The following ADGRE3 variants were observed in gnomAD, a reference collection of about 807,000 sequenced individuals.
ADGRE3 encodes the protein adhesion G protein-coupled receptor E3.
A neutral mutation model predicts 80.1 loss-of-function variants in ADGRE3; 88 were observed. The ratio of observed to expected loss-of-function variants is 1.10; its 90% confidence interval spans 0.93 to 1.31. ADGRE3 has a LOEUF of 1.31. Among genes scored for constraint, ADGRE3 ranks in the 40% most tolerant of loss-of-function variants. ADGRE3 has a pLI of 0.00. For missense variants in ADGRE3, 715 were observed against 776.5 expected (o/e 0.92, Z 0.94); for synonymous variants, 281 against 294.8 (o/e 0.95, Z 0.48).
chr19:14,625,669 C>A, intron 14 of ADGRE3, 70 bp from the exon 15 acceptor site: 1 of 884,772 alleles, frequency 1.1e-6, no homozygotes, highest in Admixed American at 1.8e-5. Context: ...GTCGGTGAGT[C>A]AGGAAGAGGA....
At chr19:14,630,804 A>G (rs1490164868) in intron 13 of ADGRE3, among the ~76,000 whole-genome samples, 4 of 152,224 alleles carry the variant, frequency 2.6e-5, no homozygotes, top group Non-Finnish European at 5.9e-5. Context: ...AGGACAATGT[A>G]TGGGACAAAG....
Position 14,651,100 on chromosome 19 carries a change from G to A in ADGRE3, c.682C>T (p.Gln228Ter). 2.5e-6 allele frequency: 4 copies of A among 1,614,038 alleles called. No individual in the cohort carries two copies. The highest frequency in any genetic ancestry group is 3.4e-6 in the Non-Finnish European group (4 of 1,179,970). The change falls in exon 7 of 16, where the codon CAG becomes TAG. Residue 228 changes from glutamine to a stop codon, truncating the protein, a stop_gained. Transcript: ENST00000253673. LOFTEE classifies it high-confidence loss of function. ...TCAGGCATACCTTGTGTGTCTCCCTGGATGATGTCACTGCAACGGATGTCC... is the reference window on the plus strand; with the variant it reads ...TCAGGCATACCTTGTGTGTCTCCCTAGATGATGTCACTGCAACGGATGTCC... ...SMDIRCSDII[Q>*]GDTQGPSAIA...
At chr19:14,607,086 T>C in the ADGRE3 span, 1 of 1,312,206 alleles carries the variant, frequency 7.6e-7, no homozygotes, top group Non-Finnish European at 9.8e-7. Context: ...GCTGGATGGG[T>C]CTCCTGTGAC....
chr19:14,603,912 G>C, the ADGRE3 span, among the ~76,000 whole-genome samples: 1 of 152,140 alleles, frequency 6.6e-6, no homozygotes, highest in Non-Finnish European at 1.5e-5. Context: ...TTGGTGCCTA[G>C]AAATAGCAAG....
chr19:14,616,081 G>A (rs949881896), downstream of ADGRE3, among the ~76,000 whole-genome samples: 2 of 151,300 alleles, frequency 1.3e-5, no homozygotes, highest in African/African-American at 4.9e-5. Flanking sequence ...ACAGGCCTAT[G>A]CCACCACACC....
At chr19:14,629,286 G>C (rs927077397) in intron 14 of ADGRE3, among the ~76,000 whole-genome samples, 3 of 152,118 alleles carry the variant, frequency 2.0e-5, no homozygotes, top group Non-Finnish European at 2.9e-5. Flanking sequence ...TGTAACTTAA[G>C]GTAGTAATGT....
At position 14,630,245 on chromosome 19, in the gene ADGRE3, C is replaced by G. The variant is rs781418299; in HGVS notation, c.1644-38G>C. 2.6e-6 allele frequency: 4 copies of G among 1,561,988 alleles called. No homozygotes were observed. In the South Asian group the frequency reaches 4.7e-5, roughly 18 times the overall value. The stretch of plus-strand genomic sequence containing the variant: ...AGTCAGAGATTAGGATGTCAAAAAA[C>G]TAATAATGAGCATGAACACCCCTCT... On this transcript the variant is annotated intron_variant, in intron 13 of 15. Transcript: ENST00000253673.
chr19:14,616,434 T>C (rs1410335018), downstream of ADGRE3, among the ~76,000 whole-genome samples: 1 of 152,112 alleles, frequency 6.6e-6, no homozygotes, highest in Non-Finnish European at 1.5e-5. Context: ...GAAATGGTTC[T>C]GGTTTGCCTG....
intron 10 of ADGRE3, 142 bp downstream of exon 10, chr19:14,641,277 A>C: frequency 1.0e-6 from 1 of 993,814 alleles, no homozygotes; most frequent in South Asian, 1.6e-5. Flanking sequence ...CCCAGCTACG[A>C]TCTCAGAAGG....
intron 4 of ADGRE3, among the ~76,000 whole-genome samples, chr19:14,661,513 A>G (rs1431553265): frequency 1.3e-5 from 2 of 152,164 alleles, no homozygotes; most frequent in East Asian, 1.9e-4. Flanking sequence ...TGTGGTCTCA[A>G]TCACCACCTT....
At chr19:14,600,930 T>G in the ADGRE3 span, among the ~76,000 whole-genome samples, 2 of 104,258 alleles carry the variant, frequency 1.9e-5, no homozygotes, top group Admixed American at 1.4e-4. Flanking sequence ...TGAGATGGAG[T>G]CTCACTCTGT....
intron 2 of ADGRE3, 107 bp from the exon 3 acceptor site, chr19:14,663,647 T>C: frequency 3.0e-6 from 4 of 1,348,216 alleles, no homozygotes; most frequent in South Asian, 1.5e-5. Context: ...AAGAGCAGCC[T>C]GGCCAACATA....
chr19:14,619,317 T>A lies in ADGRE3; in HGVS notation c.*116A>T. The A allele has an allele frequency of 1.2e-6, 1 of 808,394 alleles. No homozygotes were observed. The highest frequency in any genetic ancestry group is 1.5e-5 in the South Asian group (1 of 68,830). The allele number at this position is 808,394 out of a possible 1,614,324, so 50.1% of individuals were successfully genotyped here. The stretch of plus-strand genomic sequence containing the variant: ...AACAGCTTGGGAAGTAAAGGTTGAT[T>A]ACTTCCTCTCCAAGGATGATATGTT... On this transcript the variant is annotated 3_prime_UTR_variant, in exon 16 of 16. Transcript: ENST00000253673.
chr19:14,615,468 A>G (rs2075070082), downstream of ADGRE3, among the ~76,000 whole-genome samples: 1 of 151,852 alleles, frequency 6.6e-6, no homozygotes, highest in Non-Finnish European at 1.5e-5. Flanking sequence ...TTTTAGAGAG[A>G]CAGCATCTCT....
chr19:14,649,361 C>G (rs1344207668), intron 7 of ADGRE3, among the ~76,000 whole-genome samples: 2 of 146,656 alleles, frequency 1.4e-5, no homozygotes, highest in Non-Finnish European at 3.0e-5. Context: ...CATCTCTCTC[C>G]CCATCTCTCT....
At chr19:14,658,676 T>C in intron 4 of ADGRE3, 126 bp from the exon 5 acceptor site, 1 of 441,530 alleles carries the variant, frequency 2.3e-6, no homozygotes. Flanking sequence ...GAATTCATAG[T>C]CTTTATCTGC....
chr19:14,638,132 C>A lies in ADGRE3; in HGVS notation c.1457G>T (p.Trp486Leu), dbSNP rs760891833. 6.2e-7 allele frequency: 1 copy of A among 1,614,012 alleles called. No individual in the cohort carries two copies. The highest frequency in any genetic ancestry group is 8.5e-7 in the Non-Finnish European group (1 of 1,179,938). The change falls in exon 11 of 16, where the codon TGG (tryptophan) becomes TTG (leucine). Residue 486 changes from tryptophan to leucine, a missense_variant. By Grantham distance (61) the Trp-to-Leu change is moderately conservative (BLOSUM62 -2). Transcript: ENST00000253673. ...ATCAGCAGTTCCATAAAGGTGAGGC[C>A]AGGAGGCTGCAGAAATGGCCACAGT... ...AVTVAISAASWPHLYGTADRC... is the reference protein window; with the variant it reads ...AVTVAISAASLPHLYGTADRC...
chr19:14,619,684 ATTC>A (rs1290577295), intron 15 of ADGRE3, among the ~76,000 whole-genome samples: 1 of 152,198 alleles, frequency 6.6e-6, no homozygotes, highest in Non-Finnish European at 1.5e-5. Flanking sequence ...AGCAGGAAGA[ATTC>A]TTCTTTTTGA....
downstream of ADGRE3, among the ~76,000 whole-genome samples, chr19:14,617,825 G>A (rs779776291): frequency 6.6e-6 from 1 of 151,586 alleles, no homozygotes; most frequent in Admixed American, 6.6e-5. Flanking sequence ...TCTCCTGTGT[G>A]GTCTTCTAAG....
Sources: gnomAD v4.1 joint callset for allele counts (sites outside exome capture counted in the v4.1 genomes callset) on GRCh38, gnomAD v4.1.1 for gene constraint, MANE v1.5 for transcripts, NCBI Gene and HGNC (gene_info 2026-07-23, HGNC 2026-07-21) for gene names.